SUGCT: variants seen among roughly 807,000 people sequenced by gnomAD.
SUGCT encodes the protein succinyl-CoA:glutarate-CoA transferase, also known as succinyl-CoA:glutarate CoA-transferase.
A neutral mutation model predicts 55.0 loss-of-function variants in SUGCT; 41 were observed. That is an observed-to-expected ratio of 0.74 (90% CI 0.58 to 0.97). The LOEUF is 0.97. Ranked by LOEUF, SUGCT falls within the 50% of genes least tolerant of loss-of-function variation. The probability of loss-of-function intolerance (pLI) is 0.00; values close to 1 mark genes in which losing one functional copy is unlikely to be tolerated. For synonymous variants in SUGCT, 187 were observed against 200.4 expected (o/e 0.93, Z 0.56); for missense variants, 568 against 547.8 (o/e 1.04, Z -0.37).
chr7:40,890,170 G>A, the SUGCT span, among the ~76,000 whole-genome samples: 2 of 145,156 alleles, frequency 1.4e-5, no homozygotes, highest in African/African-American at 5.1e-5. Context: ...AAGCTGCTGA[G>A]TTTTTGAATT....
intron 12 of SUGCT, among the ~76,000 whole-genome samples, chr7:40,559,186 T>A (rs1161321505): frequency 6.6e-6 from 1 of 152,178 alleles, no homozygotes; most frequent in East Asian, 1.9e-4. Flanking sequence ...CCACTTGGTT[T>A]GGGCTTATAG....
chr7:40,549,257 AC>A, intron 12 of SUGCT, among the ~76,000 whole-genome samples: 1 of 152,212 alleles, frequency 6.6e-6, no homozygotes. Context: ...TTCAAGGGAG[AC>A]TTTTATGTGT....
At chr7:40,916,408 G>C in the SUGCT span, among the ~76,000 whole-genome samples, 1 of 152,144 alleles carries the variant, frequency 6.6e-6, no homozygotes, top group African/African-American at 2.4e-5. Context: ...ACCATGTTAG[G>C]AAAGACTCTC....
At chr7:40,389,356 G>A (rs1016725452) in intron 9 of SUGCT, among the ~76,000 whole-genome samples, 4 of 152,084 alleles carry the variant, frequency 2.6e-5, no homozygotes, top group African/African-American at 9.7e-5. Context: ...GGAGGCTGAG[G>A]TGGGAGAATC....
At chr7:40,389,575 AC>A (rs1785309001) in intron 9 of SUGCT, among the ~76,000 whole-genome samples, 1 of 152,230 alleles carries the variant, frequency 6.6e-6, no homozygotes, top group African/African-American at 2.4e-5. Flanking sequence ...TTGGGGTCTT[AC>A]CCTGTGTCAG....
At chr7:40,857,041 C>T (rs918816914) in intron 13 of SUGCT, among the ~76,000 whole-genome samples, 15 of 152,042 alleles carry the variant, frequency 9.9e-5, no homozygotes, top group African/African-American at 3.6e-4. Context: ...AATGTGTAGA[C>T]TGAGGCTCTG....
At chr7:41,012,968 A>G in the SUGCT span, among the ~76,000 whole-genome samples, 7 of 151,756 alleles carry the variant, frequency 4.6e-5, 1 homozygote, top group East Asian at 1.2e-3. Context: ...CCAGCACAGC[A>G]CCATCTGCAA....
At chr7:40,271,534 A>AT (rs976533802) in intron 7 of SUGCT, among the ~76,000 whole-genome samples, 19 of 150,462 alleles carry the variant, frequency 1.3e-4, no homozygotes, top group African/African-American at 2.4e-4. Flanking sequence ...GAGAAGTTTC[A>AT]TTTTTTTTTA....
intron 5 of SUGCT, among the ~76,000 whole-genome samples, chr7:40,190,299 G>A (rs1785808025): frequency 6.6e-6 from 1 of 152,096 alleles, no homozygotes; most frequent in African/African-American, 2.4e-5. Context: ...GCCCAGGCTG[G>A]AGGGCAGTGG....
chr7:40,603,447 A>C (rs1798385894), intron 12 of SUGCT, among the ~76,000 whole-genome samples: 1 of 152,246 alleles, frequency 6.6e-6, no homozygotes, highest in African/African-American at 2.4e-5. Flanking sequence ...TTCCCAAAAG[A>C]GTCTAGTACA....
intron 11 of SUGCT, among the ~76,000 whole-genome samples, chr7:40,462,365 T>C (rs990285024): frequency 3.3e-5 from 5 of 151,874 alleles, no homozygotes; most frequent in African/African-American, 1.2e-4. Context: ...TCAGAGAGAG[T>C]GGGAGCCCAT....
At chr7:40,153,513 C>T in intron 1 of SUGCT, 1 of 384,550 alleles carries the variant, frequency 2.6e-6, no homozygotes, top group Middle Eastern at 3.9e-4. Context: ...ACATTTTGGA[C>T]CTATGACTCT....
At chr7:41,031,042 A>C in the SUGCT span, among the ~76,000 whole-genome samples, 1 of 152,166 alleles carries the variant, frequency 6.6e-6, no homozygotes, top group Non-Finnish European at 1.5e-5. Flanking sequence ...GCACACAGCA[A>C]CTTCCGTCTC....
At chr7:40,823,066 A>G (rs1277612230) in intron 13 of SUGCT, among the ~76,000 whole-genome samples, 1 of 152,144 alleles carries the variant, frequency 6.6e-6, no homozygotes, top group Non-Finnish European at 1.5e-5. Context: ...ACTCACTACC[A>G]TAGCAGGCAA....
intron 12 of SUGCT, among the ~76,000 whole-genome samples, chr7:40,573,653 A>G (rs1796571698): frequency 6.6e-6 from 1 of 152,226 alleles, no homozygotes; most frequent in African/African-American, 2.4e-5. Context: ...ATAGATATGT[A>G]GAAGTAGAGC....
At chr7:40,541,884 A>T (rs139562518) in intron 12 of SUGCT, among the ~76,000 whole-genome samples, 27 of 152,338 alleles carry the variant, frequency 1.8e-4, no homozygotes, top group African/African-American at 6.0e-4. Flanking sequence ...TTTAGGATAT[A>T]TTTCATGGAG....
At chr7:40,669,821 G>T (rs548044361) in intron 12 of SUGCT, among the ~76,000 whole-genome samples, 1 of 152,024 alleles carries the variant, frequency 6.6e-6, no homozygotes, top group African/African-American at 2.4e-5. Flanking sequence ...GGATCTAACA[G>T]CCCTGTTACT....
chr7:40,710,301 G>C (rs988475371), intron 12 of SUGCT, among the ~76,000 whole-genome samples: 1 of 152,126 alleles, frequency 6.6e-6, no homozygotes, highest in African/African-American at 2.4e-5. Flanking sequence ...ACACAACCTT[G>C]AAGTTGCTTT....
chr7:40,789,155 GAGTGTACAATAC>G (rs1476527492), intron 13 of SUGCT, among the ~76,000 whole-genome samples: 2 of 151,974 alleles, frequency 1.3e-5, no homozygotes, highest in Non-Finnish European at 2.9e-5. Flanking sequence ...TCAAATTTTT[GAGTGTACAATAC>G]AGTGTTGTTA....
Sources: allele counts gnomAD v4.1 joint callset (sites outside exome capture counted in the v4.1 genomes callset), GRCh38; gene constraint gnomAD v4.1.1; transcripts MANE v1.5; gene names NCBI Gene and HGNC (gene_info 2026-07-23, HGNC 2026-07-21).